HPSE2: variants seen among roughly 807,000 people sequenced by gnomAD.
The protein encoded by HPSE2 is heparanase 2 (inactive).
In HPSE2, 38 loss-of-function variants were observed where a neutral mutation model predicts 60.5. The ratio of observed to expected loss-of-function variants is 0.63; its 90% CI spans 0.48 to 0.82. HPSE2 has a LOEUF of 0.82. Ranked by LOEUF, HPSE2 falls within the 40% of genes least tolerant of loss-of-function variation. The pLI is 0.00. For missense variants in HPSE2, 713 were observed against 740.4 expected (o/e 0.96, Z 0.43); for synonymous variants, 295 against 293.2 (o/e 1.01, Z -0.06).
At chr10:99,036,817 T>C (rs1483269127) in intron 3 of HPSE2, among the ~76,000 whole-genome samples, 1 of 152,196 alleles carries the variant, frequency 6.6e-6, no homozygotes, top group African/African-American at 2.4e-5. Flanking sequence ...AATCCCTCCA[T>C]ACTCCTCGTT....
At chr10:98,722,488 T>G (rs1948952475) in intron 4 of HPSE2, among the ~76,000 whole-genome samples, 1 of 152,060 alleles carries the variant, frequency 6.6e-6, no homozygotes, top group African/African-American at 2.4e-5. Context: ...ATTTTTGTTG[T>G]TTTAAGCCAC....
chr10:98,842,820 C>T lies in HPSE2; in HGVS notation c.611-98764G>A, dbSNP rs1951948283. 2.0e-5 allele frequency among the ~76,000 whole-genome samples: 3 copies of T among 152,092 alleles called. No homozygotes were observed. The South Asian group carries it at 6.2e-4, about 32-fold the overall frequency. ...TATTATAATCTAATATAGAATATTT[C>T]CTCTTCCCTAAAAGTCCTCTGTTCA... On this transcript the variant is annotated intron_variant, in intron 3 of 11. Transcript: ENST00000370552.
chr10:99,121,042 CAT>C, intron 3 of HPSE2, among the ~76,000 whole-genome samples: 1 of 152,218 alleles, frequency 6.6e-6, no homozygotes, highest in East Asian at 1.9e-4. Context: ...ATAGCAAAAA[CAT>C]AAAATCAACC....
intron 3 of HPSE2, among the ~76,000 whole-genome samples, chr10:99,008,444 A>G (rs2135392669): frequency 6.6e-6 from 1 of 152,334 alleles, no homozygotes; most frequent in South Asian, 2.1e-4. Flanking sequence ...AAGGAAAGAA[A>G]CAGAAGTCAA....
intron 11 of HPSE2, 94 bp from the exon 12 acceptor site, chr10:98,459,833 T>G: frequency 8.7e-7 from 1 of 1,147,010 alleles, no homozygotes; most frequent in Non-Finnish European, 1.3e-6. Context: ...CAGTGTCTGA[T>G]ACACACACAC....
chr10:98,912,842 G>A (rs919436682), intron 3 of HPSE2, among the ~76,000 whole-genome samples: 12 of 152,062 alleles, frequency 7.9e-5, no homozygotes, highest in Admixed American at 2.6e-4. Flanking sequence ...AAAAAAAATA[G>A]TTAGAAAGAA....
chr10:98,654,897 A>G (rs1186431960), intron 6 of HPSE2, among the ~76,000 whole-genome samples: 1 of 152,192 alleles, frequency 6.6e-6, no homozygotes, highest in Non-Finnish European at 1.5e-5. Context: ...AGAGGCTTCA[A>G]AGCCCCCTAG....
the HPSE2 span, among the ~76,000 whole-genome samples, chr10:99,310,279 T>C: frequency 6.6e-6 from 1 of 152,208 alleles, no homozygotes; most frequent in South Asian, 2.1e-4. Context: ...TATGAGGACA[T>C]AGACATATCT....
rs975211770 is a variant in HPSE2 at position 98,810,276 on chromosome 10, T to A, written c.611-66220A>T. On this transcript the variant is annotated intron_variant, in intron 3 of 11. Transcript: ENST00000370552. ...CAAGTGGGCTGCAACCAGGGGTGGA[T>A]CCAAGTTTTATGGGGCTTGAAACTA... 3.9e-5 allele frequency among the ~76,000 whole-genome samples: 6 copies of A among 152,024 alleles called. No homozygotes were observed. The South Asian group carries it at 8.3e-4, about 21-fold the overall frequency.
At chr10:98,803,882 G>A (rs1267002276) in intron 3 of HPSE2, among the ~76,000 whole-genome samples, 2 of 151,888 alleles carry the variant, frequency 1.3e-5, no homozygotes, top group Non-Finnish European at 2.9e-5. Flanking sequence ...GCTTGATGGG[G>A]ATGGCAGTGA....
intron 9 of HPSE2, among the ~76,000 whole-genome samples, chr10:98,517,924 C>T (rs1942655388): frequency 6.6e-6 from 1 of 152,206 alleles, no homozygotes; most frequent in Admixed American, 6.5e-5. Flanking sequence ...GTTGTTACAA[C>T]CAGTTCCTGC....
chr10:99,296,660 C>T, the HPSE2 span, among the ~76,000 whole-genome samples: 2 of 152,230 alleles, frequency 1.3e-5, no homozygotes, highest in East Asian at 1.9e-4. Context: ...CCCTCCTGGG[C>T]TGAGCTCCAC....
intron 3 of HPSE2, among the ~76,000 whole-genome samples, chr10:98,876,282 G>C (rs201250532): frequency 6.6e-6 from 1 of 151,768 alleles, no homozygotes; most frequent in Non-Finnish European, 1.5e-5. Flanking sequence ...CTAGTAGAAG[G>C]CTATAGCTAA....
At chr10:99,267,831 G>A in the HPSE2 span, among the ~76,000 whole-genome samples, 1 of 151,556 alleles carries the variant, frequency 6.6e-6, no homozygotes, top group Admixed American at 6.6e-5. Flanking sequence ...AAGAATAATT[G>A]GTGTTCCTGA....
chr10:98,635,324 G>T (rs1353202236), intron 7 of HPSE2, among the ~76,000 whole-genome samples: 2 of 152,184 alleles, frequency 1.3e-5, no homozygotes, highest in Non-Finnish European at 2.9e-5. Context: ...CAGTATGGAA[G>T]TTCCTCAAAA....
the HPSE2 span, among the ~76,000 whole-genome samples, chr10:99,270,268 G>C: frequency 6.6e-6 from 1 of 152,160 alleles, no homozygotes; most frequent in African/African-American, 2.4e-5. Context: ...ATCCAAATAA[G>C]CTCGATTAGA....
At chr10:98,806,505 G>A (rs565087897) in intron 3 of HPSE2, among the ~76,000 whole-genome samples, 1 of 152,286 alleles carries the variant, frequency 6.6e-6, no homozygotes, top group East Asian at 1.9e-4. Flanking sequence ...TACTTCCTAT[G>A]AGACCATGGG....
chr10:99,219,029 A>C (rs897019043), intron 2 of HPSE2, among the ~76,000 whole-genome samples: 2 of 152,182 alleles, frequency 1.3e-5, no homozygotes, highest in Admixed American at 6.5e-5. Context: ...TAAAGTGTGC[A>C]TGGCTTAGTG....
At chr10:99,174,746 G>C (rs1847454824) in intron 2 of HPSE2, among the ~76,000 whole-genome samples, 1 of 152,164 alleles carries the variant, frequency 6.6e-6, no homozygotes, top group Non-Finnish European at 1.5e-5. Flanking sequence ...CCTTTAAAGA[G>C]CTAATTAAAT....
Sources: gnomAD v4.1 joint callset for allele counts (sites outside exome capture counted in the v4.1 genomes callset) on GRCh38, gnomAD v4.1.1 for gene constraint, MANE v1.5 for transcripts, NCBI Gene and HGNC (gene_info 2026-07-23, HGNC 2026-07-21) for gene names.